IFT25: variants seen among roughly 807,000 people sequenced by gnomAD.
IFT25 encodes intraflagellar transport 25.
the IFT25 span, chr1:53,921,572 C>A: frequency 6.2e-6 from 5 of 810,850 alleles, no homozygotes; most frequent in South Asian, 7.7e-5. Flanking sequence ...TGATAAAAAT[C>A]CTTTTAATAA....
the IFT25 span, among the ~76,000 whole-genome samples, chr1:53,921,016 T>C: frequency 1.3e-5 from 2 of 152,016 alleles, no homozygotes; most frequent in South Asian, 4.2e-4. Context: ...CTACAAAAAA[T>C]ACAAAAACTA....
At chr1:53,917,565 C>T in the IFT25 span, among the ~76,000 whole-genome samples, 11 of 152,098 alleles carry the variant, frequency 7.2e-5, no homozygotes, top group African/African-American at 2.7e-4. Context: ...GTGGCTAACA[C>T]CTGTAATCCC....
the IFT25 span, chr1:53,930,244 G>A: frequency 1.2e-5 from 14 of 1,120,104 alleles, no homozygotes; most frequent in Middle Eastern, 2.9e-4. Context: ...AATGACTACT[G>A]GATTCTCACA....
the IFT25 span, among the ~76,000 whole-genome samples, chr1:53,938,388 G>A: frequency 2.0e-5 from 3 of 152,090 alleles, no homozygotes; most frequent in South Asian, 6.2e-4. Context: ...CTACAATAAA[G>A]GAAAAAGTAA....
At chr1:53,915,939 C>A in the IFT25 span, among the ~76,000 whole-genome samples, 1 of 152,222 alleles carries the variant, frequency 6.6e-6, no homozygotes, top group Non-Finnish European at 1.5e-5. Context: ...ATTCCCAACA[C>A]TTTGGGAGGC....
chr1:53,916,006 G>A, the IFT25 span, among the ~76,000 whole-genome samples: 5 of 151,988 alleles, frequency 3.3e-5, no homozygotes. Flanking sequence ...GCAACATGGT[G>A]AAACCACATT....
the IFT25 span, among the ~76,000 whole-genome samples, chr1:53,919,590 T>A: frequency 1.3e-5 from 2 of 152,138 alleles, no homozygotes; most frequent in African/African-American, 4.8e-5. Context: ...TGTGAGCAAA[T>A]GAAATTGTTG....
At chr1:53,913,899 A>G in the IFT25 span, among the ~76,000 whole-genome samples, 14 of 152,252 alleles carry the variant, frequency 9.2e-5, no homozygotes, top group Non-Finnish European at 2.1e-4. Flanking sequence ...AGGGTTCACC[A>G]GAAACTATGC....
At chr1:53,922,818 T>C in the IFT25 span, among the ~76,000 whole-genome samples, 1 of 152,218 alleles carries the variant, frequency 6.6e-6, no homozygotes, top group East Asian at 1.9e-4. Flanking sequence ...CACAAAATTG[T>C]TCACACATTA....
the IFT25 span, chr1:53,929,995 A>G: frequency 1.4e-5 from 21 of 1,511,204 alleles, no homozygotes; most frequent in Non-Finnish European, 1.7e-5. Context: ...CCTTACCTGG[A>G]GCACCAAAAA....
the IFT25 span, among the ~76,000 whole-genome samples, chr1:53,927,600 C>T: frequency 6.6e-6 from 1 of 152,092 alleles, no homozygotes; most frequent in Non-Finnish European, 1.5e-5. Flanking sequence ...GAAGAAGGTA[C>T]CTAGAGTCTG....
chr1:53,921,829 G>A, the IFT25 span: 10 of 971,046 alleles, frequency 1.0e-5, no homozygotes, highest in Non-Finnish European at 1.7e-5. Flanking sequence ...TTAACAAGCA[G>A]TTAGCAAAAG....
chr1:53,929,496 G>C, the IFT25 span: 4 of 152,162 alleles, frequency 2.6e-5, no homozygotes, highest in African/African-American at 9.7e-5. Context: ...CCATGATTTT[G>C]TCTGATACAT....
chr1:53,922,174 C>T, the IFT25 span, among the ~76,000 whole-genome samples: 1 of 152,184 alleles, frequency 6.6e-6, no homozygotes, highest in Non-Finnish European at 1.5e-5. Flanking sequence ...GCCGACAGAT[C>T]ACCTGAGGTT....
the IFT25 span, among the ~76,000 whole-genome samples, chr1:53,934,437 T>A: frequency 1.3e-5 from 2 of 152,244 alleles, no homozygotes; most frequent in Non-Finnish European, 2.9e-5. Flanking sequence ...CTATTTTAAA[T>A]ATTTTTTTCC....
chr1:53,916,690 G>A, the IFT25 span: 73 of 316,982 alleles, frequency 2.3e-4, no homozygotes, highest in African/African-American at 1.4e-3. Context: ...TGATCTAGCC[G>A]TAATGTTCAG....
At chr1:53,925,074 T>A in the IFT25 span, among the ~76,000 whole-genome samples, 1 of 152,210 alleles carries the variant, frequency 6.6e-6, no homozygotes, top group South Asian at 2.1e-4. Context: ...TTCCTGAAAT[T>A]ATAATATGCT....
At chr1:53,921,878 C>T in the IFT25 span, 1 of 685,098 alleles carries the variant, frequency 1.5e-6, no homozygotes, top group East Asian at 2.6e-5. Flanking sequence ...AAATATATAA[C>T]AACACATAAG....
At chr1:53,944,971 C>CA in the IFT25 span, among the ~76,000 whole-genome samples, 1 of 152,166 alleles carries the variant, frequency 6.6e-6, no homozygotes, top group Non-Finnish European at 1.5e-5. Flanking sequence ...CTGGACTCCT[C>CA]ACGCTCTTTC....
Sources: allele counts gnomAD v4.1 joint callset (sites outside exome capture counted in the v4.1 genomes callset), GRCh38; gene constraint gnomAD v4.1.1; transcripts MANE v1.5; gene names NCBI Gene and HGNC (gene_info 2026-07-23, HGNC 2026-07-21).